The following GGA2 variants were observed in gnomAD, a reference collection of about 807,000 sequenced individuals.
GGA2 encodes golgi associated, gamma adaptin ear containing, ARF binding protein 2.
In GGA2, 48 loss-of-function variants were observed where a neutral mutation model predicts 79.5. The ratio of observed to expected loss-of-function variants is 0.60; its 90% CI spans 0.48 to 0.77. The LOEUF (loss-of-function observed/expected upper bound fraction) is 0.77, where lower values mean the gene tolerates loss of function less well. GGA2 is among the 30% of genes least tolerant of loss of function. The pLI, the probability that GGA2 is intolerant of heterozygous loss-of-function variation, is 0.00. For synonymous variants in GGA2, 317 were observed against 302.0 expected, an observed-to-expected ratio of 1.05 and a Z score of -0.51; for missense variants, 770 against 774.0, an observed-to-expected ratio of 0.99 and a Z score of 0.06.
At chr16:23,492,232 TGCC>T (rs1382138780) in intron 4 of GGA2, among the ~76,000 whole-genome samples, 1 of 152,116 alleles carries the variant, frequency 6.6e-6, no homozygotes, top group African/African-American at 2.4e-5. Context: ...TTACAGTGAG[TGCC>T]TAGAGAGCTT....
chr16:23,510,553 G>GCCC, upstream of GGA2: 8 of 381,832 alleles, frequency 2.1e-5, no homozygotes, highest in South Asian at 1.1e-4. Context: ...CCCACCCCAG[G>GCCC]CCCCCCCTCC....
chr16:23,519,333 G>A (rs546961052), intron 2 of GGA2, among the ~76,000 whole-genome samples: 3 of 152,042 alleles, frequency 2.0e-5, no homozygotes, highest in Non-Finnish European at 4.4e-5. Flanking sequence ...ATGAGCCGCC[G>A]TGCCCAGCCC....
At position 23,510,357 on chromosome 16, in the gene GGA2, G is replaced by A. The variant is rs762746067; in HGVS notation, c.55C>T (p.Pro19Ser). ...AVAGTESAQG[P>S]PGPAASLELW... ...TCCAGCGACGCTGCCGGGCCCGGGG[G>A]ACCCTGGGCCGACTCGGTTCCCGCC... The change falls in exon 1 of 17, where the codon CCC becomes TCC. Residue 19 changes from proline to serine, a missense_variant. Pro to Ser is a moderately conservative substitution (Grantham distance 74). Transcript: ENST00000309859. The A allele has an allele frequency of 3.9e-4, 564 of 1,430,142 alleles. 3 individuals are homozygous for A. In the African/African-American group the frequency reaches 6.9e-3, roughly 18 times the overall value. The allele number at this position is 1,430,142 out of a possible 1,614,324, so 88.6% of individuals were successfully genotyped here. A position where few individuals can be genotyped will look rare whatever the true frequency, so the allele number is the denominator to read the frequency against.
Position 23,480,971 on chromosome 16 carries a change from C to A in GGA2, c.881-201G>T, listed in dbSNP as rs1040443274. Among the ~76,000 whole-genome samples, 10 of 152,350 alleles carry A rather than the reference C, an allele frequency of 6.6e-5. No homozygotes were observed. The East Asian group carries it at 1.7e-3, about 26-fold the overall frequency. On this transcript the variant is annotated intron_variant, in intron 9 of 16. Transcript: ENST00000309859. ...CCTAACATGTTAGTAGTTCTCAATG[C>A]AGAAGGAAGCAAATCTGTTCACCTT...
chr16:23,516,754 G>C (rs1024745967), intron 2 of GGA2, among the ~76,000 whole-genome samples: 14 of 152,280 alleles, frequency 9.2e-5, no homozygotes, highest in Admixed American at 3.9e-4. Context: ...CTCTGGATCT[G>C]ACTGATTTAT....
intron 1 of GGA2, among the ~76,000 whole-genome samples, chr16:23,519,919 A>G (rs538131772): frequency 6.6e-6 from 1 of 152,360 alleles, no homozygotes; most frequent in Admixed American, 6.5e-5. Flanking sequence ...ATAGTTACCT[A>G]ACATTTATTA....
At chr16:23,484,623 G>A (rs1964690018) in intron 8 of GGA2, among the ~76,000 whole-genome samples, 1 of 152,284 alleles carries the variant, frequency 6.6e-6, no homozygotes, top group African/African-American at 2.4e-5. Flanking sequence ...CTGCCAATGA[G>A]CATAGGAAAT....
intron 2 of GGA2, among the ~76,000 whole-genome samples, chr16:23,518,202 C>T (rs761335086): frequency 2.6e-5 from 4 of 152,098 alleles, no homozygotes; most frequent in Non-Finnish European, 4.4e-5. Context: ...TGAGCCACCA[C>T]GCCTGGCTGA....
chr16:23,513,805 G>A (rs202158620), upstream of GGA2, among the ~76,000 whole-genome samples: 19 of 141,938 alleles, frequency 1.3e-4, no homozygotes, highest in South Asian at 6.5e-4. Flanking sequence ...AAAAAAGAAA[G>A]AAAAAAAGAA....
chr16:23,489,024 A>T (rs1334831085), intron 5 of GGA2, among the ~76,000 whole-genome samples: 1 of 152,188 alleles, frequency 6.6e-6, no homozygotes, highest in African/African-American at 2.4e-5. Flanking sequence ...CCCAGGGATC[A>T]AAAGTTTCTG....
intron 1 of GGA2, among the ~76,000 whole-genome samples, chr16:23,503,028 T>G (rs1026408694): frequency 6.6e-6 from 1 of 152,206 alleles, no homozygotes; most frequent in African/African-American, 2.4e-5. Flanking sequence ...TCATCTTTCC[T>G]TGGGTATGGC....
intron 2 of GGA2, among the ~76,000 whole-genome samples, chr16:23,515,962 C>A (rs992086038): frequency 6.6e-6 from 1 of 152,114 alleles, no homozygotes; most frequent in Non-Finnish European, 1.5e-5. Context: ...CCTCAGCCTC[C>A]CACAGTGCTG....
In GGA2 at chr16:23,474,995, C is replaced by T. The variant is rs144370069; in HGVS notation, c.1359G>A (p.Trp453Ter). ...GAGCCAACGGGCCAGCCTCCCAGGACCAACCTGGAGAGGACTTAGTACCTG... is the reference window on the plus strand; with the variant it reads ...GAGCCAACGGGCCAGCCTCCCAGGATCAACCTGGAGAGGACTTAGTACCTG... ...VPPGTKSSPG[W>*]SWEAGPLAPS... Residue 453 changes from tryptophan to a stop codon, truncating the protein, a stop_gained, in exon 14 of 17, where the codon TGG becomes TGA. Transcript: ENST00000309859. LOFTEE classifies it high-confidence loss of function. The T allele has an allele frequency of 1.7e-5, 28 of 1,608,898 alleles. No homozygotes were observed. The highest frequency in any genetic ancestry group is 2.4e-5 in the Non-Finnish European group (28 of 1,175,454).
intron 14 of GGA2, among the ~76,000 whole-genome samples, chr16:23,471,314 G>A (rs1239885212): frequency 6.6e-6 from 1 of 151,912 alleles, no homozygotes. Flanking sequence ...ACATTCCAAT[G>A]GAAATTCTAA....
chr16:23,509,235 A>C (rs1313997623), intron 1 of GGA2, among the ~76,000 whole-genome samples: 1 of 151,976 alleles, frequency 6.6e-6, no homozygotes, highest in South Asian at 2.1e-4. Flanking sequence ...ATCTCGCCCC[A>C]ATTAGCCGTG....
intron 16 of GGA2, among the ~76,000 whole-genome samples, chr16:23,468,038 G>T (rs1964463030): frequency 6.6e-6 from 1 of 152,128 alleles, no homozygotes; most frequent in Admixed American, 6.5e-5. Context: ...GAGCCCCAAA[G>T]ACAGACTCCA....
At chr16:23,506,468 G>A (rs1244021922) in intron 1 of GGA2, among the ~76,000 whole-genome samples, 1 of 152,170 alleles carries the variant, frequency 6.6e-6, no homozygotes, top group South Asian at 2.1e-4. Flanking sequence ...GGGGAGATGG[G>A]TAGGAGTGAT....
At position 23,488,601 on chromosome 16, in the gene GGA2, CT is replaced by C; in HGVS notation, c.579+4del. On this transcript the variant is annotated splice_donor_region_variant and intron_variant, in intron 6 of 16. Coordinates refer to ENST00000309859, the MANE Select transcript of GGA2 (RefSeq NM_015044.4). ...ATCAGACACCATGTAGGTCTGTTTC[CT>C]TACCTTGGACTTTTCTTCATCAGCA... The C allele has an allele frequency of 6.5e-7, 1 of 1,546,000 alleles. No homozygotes were observed. The highest frequency in any genetic ancestry group is 8.9e-7 in the Non-Finnish European group (1 of 1,118,042).
At chr16:23,485,407 T>C (rs771574974) in intron 8 of GGA2, among the ~76,000 whole-genome samples, 9 of 152,210 alleles carry the variant, frequency 5.9e-5, no homozygotes, top group Non-Finnish European at 1.3e-4. Flanking sequence ...AGAACTTGCA[T>C]ATGCTGCTGT....
Sources: allele counts gnomAD v4.1 joint callset (sites outside exome capture counted in the v4.1 genomes callset), GRCh38; gene constraint gnomAD v4.1.1; transcripts MANE v1.5; gene names NCBI Gene and HGNC (gene_info 2026-07-23, HGNC 2026-07-21).